CNTNAP2: variants seen among roughly 807,000 people sequenced by gnomAD.
CNTNAP2 encodes the protein contactin-associated protein-like 2.
In CNTNAP2, 98 loss-of-function variants were observed where a neutral mutation model predicts 155.2. That is an observed-to-expected ratio of 0.63 (90% CI 0.54 to 0.75). The LOEUF is 0.75. CNTNAP2 is among the 30% of genes least tolerant of loss of function. CNTNAP2 has a pLI of 0.00. For synonymous variants in CNTNAP2, 651 were observed against 631.2 expected (o/e 1.03, Z -0.47); for missense variants, 1,727 against 1,688.1 (o/e 1.02, Z -0.40).
rs147736348 is a variant in CNTNAP2, at chr7:146,889,066, T to C, written c.402+49162T>C. 6.8e-3 allele frequency among the ~76,000 whole-genome samples: 1,042 copies of C among 152,158 alleles called. 9 individuals carry two copies. The highest frequency in any genetic ancestry group is 0.023 in the African/African-American group (976 of 41,538). ...AGGAAACATTGGGAACTGATAGATA[T>C]GTTTATTGCCTTGATGGTGATGATG... is the stretch of plus-strand genomic sequence containing the variant. On this transcript the variant is annotated intron_variant, in intron 3 of 23. Transcript: ENST00000361727.
chr7:147,325,234 A>T (rs1447677415), intron 9 of CNTNAP2, among the ~76,000 whole-genome samples: 1 of 152,154 alleles, frequency 6.6e-6, no homozygotes, highest in African/African-American at 2.4e-5. Flanking sequence ...CAGGAGGTGG[A>T]GGTTGCAGTG....
At chr7:146,959,292 C>T (rs369548762) in intron 3 of CNTNAP2, among the ~76,000 whole-genome samples, 67 of 152,188 alleles carry the variant, frequency 4.4e-4, no homozygotes, top group Middle Eastern at 3.4e-3. Context: ...TGAGCCACCG[C>T]GCCAGGCCTA....
chr7:146,206,091 G>A (rs1016254615), intron 1 of CNTNAP2, among the ~76,000 whole-genome samples: 1 of 151,886 alleles, frequency 6.6e-6, no homozygotes, highest in Non-Finnish European at 1.5e-5. Flanking sequence ...ACATATCACA[G>A]ACTAAAATCA....
chr7:147,802,743 C>A (rs1041896900), intron 13 of CNTNAP2, among the ~76,000 whole-genome samples: 1 of 136,334 alleles, frequency 7.3e-6, no homozygotes, highest in South Asian at 2.5e-4. Context: ...CCAGCTTCCG[C>A]TCGGCATCAG....
At chr7:146,359,116 G>T (rs151224700) in intron 1 of CNTNAP2, among the ~76,000 whole-genome samples, 1 of 152,232 alleles carries the variant, frequency 6.6e-6, no homozygotes, top group Non-Finnish European at 1.5e-5. Flanking sequence ...AAATCAGAGG[G>T]TTGACCCTAT....
intron 9 of CNTNAP2, among the ~76,000 whole-genome samples, chr7:147,347,440 G>A (rs1282745970): frequency 3.7e-4 from 8 of 21,544 alleles, no homozygotes; most frequent in African/African-American, 9.1e-4. Flanking sequence ...ATATATATAT[G>A]CATATATATA....
intron 19 of CNTNAP2, among the ~76,000 whole-genome samples, chr7:148,223,735 C>T (rs1585198999): frequency 6.6e-6 from 1 of 152,170 alleles, no homozygotes; most frequent in African/African-American, 2.4e-5. Flanking sequence ...CTTTCTTTCT[C>T]AAAGCCAATA....
intron 14 of CNTNAP2, among the ~76,000 whole-genome samples, chr7:147,938,951 A>G (rs565818433): frequency 6.6e-6 from 1 of 152,280 alleles, no homozygotes; most frequent in Non-Finnish European, 1.5e-5. Flanking sequence ...ATGAATCTCA[A>G]CTTTTATTCA....
chr7:147,417,491 C>T (rs1392035499), intron 10 of CNTNAP2, among the ~76,000 whole-genome samples: 1 of 152,160 alleles, frequency 6.6e-6, no homozygotes, highest in East Asian at 1.9e-4. Context: ...TCTCCTAATA[C>T]CATCACACTG....
chr7:146,613,888 C>T (rs910861659), intron 1 of CNTNAP2, among the ~76,000 whole-genome samples: 1 of 151,952 alleles, frequency 6.6e-6, no homozygotes, highest in Non-Finnish European at 1.5e-5. Context: ...ACTACGTGTT[C>T]CAAGAAACAA....
intron 3 of CNTNAP2, among the ~76,000 whole-genome samples, chr7:146,961,876 A>G (rs1200326916): frequency 3.3e-5 from 5 of 152,158 alleles, no homozygotes; most frequent in African/African-American, 9.7e-5. Context: ...TGAAATCACC[A>G]TGGTGCCAGG....
chr7:146,397,081 A>G (rs749026580), intron 1 of CNTNAP2, among the ~76,000 whole-genome samples: 78 of 152,214 alleles, frequency 5.1e-4, no homozygotes, highest in Middle Eastern at 3.4e-3. Flanking sequence ...TTACTTTCCA[A>G]CTAGAATGAA....
At chr7:146,412,236 G>C (rs1247429091) in intron 1 of CNTNAP2, among the ~76,000 whole-genome samples, 4 of 152,182 alleles carry the variant, frequency 2.6e-5, no homozygotes, top group Non-Finnish European at 5.9e-5. Flanking sequence ...CAGGGACGTG[G>C]CCAAACAAGT....
At chr7:146,370,256 A>G (rs1234924173) in intron 1 of CNTNAP2, among the ~76,000 whole-genome samples, 1 of 109,806 alleles carries the variant, frequency 9.1e-6, no homozygotes, top group East Asian at 2.4e-4. Context: ...CCCCATCTCT[A>G]CTTTAAAAAA....
At chr7:146,313,400 G>T (rs1563033828) in intron 1 of CNTNAP2, among the ~76,000 whole-genome samples, 1 of 152,024 alleles carries the variant, frequency 6.6e-6, no homozygotes, top group African/African-American at 2.4e-5. Context: ...TTTTATAATT[G>T]GGTTGTTTTC....
rs539846044 is a variant in CNTNAP2, at chr7:146,280,511, G to C, written c.97+163538G>C. On this transcript the variant is annotated intron_variant, in intron 1 of 23. Coordinates refer to ENST00000361727, the MANE Select transcript of CNTNAP2 (RefSeq NM_014141.6). ...TGCTGATCACTCCCTGCACTTGGCC[G>C]CTCCTATCTTGTCTTGCAGCCACAT... 2.0e-3 allele frequency among the ~76,000 whole-genome samples: 309 copies of C among 152,068 alleles called. 3 individuals carry two copies. Among genetic ancestry groups the C allele is most frequent in the African/African-American group, 7.0e-3 (290 of 41,456 alleles).
At chr7:147,193,908 A>G (rs545264666) in intron 8 of CNTNAP2, among the ~76,000 whole-genome samples, 1 of 152,240 alleles carries the variant, frequency 6.6e-6, no homozygotes, top group African/African-American at 2.4e-5. Flanking sequence ...TGGAAAGTGG[A>G]TTTAAGCATT....
chr7:147,553,587 C>G (rs957997668), intron 11 of CNTNAP2, among the ~76,000 whole-genome samples: 1 of 152,112 alleles, frequency 6.6e-6, no homozygotes, highest in South Asian at 2.1e-4. Flanking sequence ...TATTACATAG[C>G]AAATTCCCCA....
At chr7:146,311,547 A>T (rs867711944) in intron 1 of CNTNAP2, among the ~76,000 whole-genome samples, 1 of 149,102 alleles carries the variant, frequency 6.7e-6, no homozygotes, top group African/African-American at 2.5e-5. Context: ...GAGGCTGGAG[A>T]ATCCCTCGAA....
Sources: allele counts gnomAD v4.1 joint callset (sites outside exome capture counted in the v4.1 genomes callset), GRCh38; gene constraint gnomAD v4.1.1; transcripts MANE v1.5; gene names NCBI Gene and HGNC (gene_info 2026-07-23, HGNC 2026-07-21).